RAB38: variants seen among roughly 807,000 people sequenced by gnomAD.
The protein encoded by RAB38 is ras-related protein Rab-38.
In RAB38, 15 loss-of-function variants were observed where a neutral mutation model predicts 18.4. That is an observed-to-expected ratio of 0.82 (90% CI 0.55 to 1.26). The LOEUF is 1.26. RAB38 is among the 50% of genes most tolerant of loss of function. The pLI is 0.00. For missense variants in RAB38, 294 were observed against 267.4 expected (o/e 1.10, Z -0.69); for synonymous variants, 101 against 104.4 (o/e 0.97, Z 0.20).
At chr11:87,885,057 G>A in the RAB38 span, among the ~76,000 whole-genome samples, 1 of 151,978 alleles carries the variant, frequency 6.6e-6, no homozygotes, top group African/African-American at 2.4e-5. Flanking sequence ...GCAGGCAAGT[G>A]TGTTTTCAAA....
At chr11:88,111,380 T>C (rs1280341758), downstream of RAB38, among the ~76,000 whole-genome samples, 4 of 152,102 alleles carry the variant, frequency 2.6e-5, no homozygotes, top group Non-Finnish European at 5.9e-5. Context: ...GTCTGTATAG[T>C]AACTACCTTC....
downstream of RAB38, among the ~76,000 whole-genome samples, chr11:88,109,943 T>C (rs953981237): frequency 2.0e-5 from 3 of 152,168 alleles, no homozygotes; most frequent in African/African-American, 4.8e-5. Flanking sequence ...GTTCAACCAT[T>C]GTGGACGACA....
the RAB38 span, among the ~76,000 whole-genome samples, chr11:88,048,815 A>G: frequency 1.6e-4 from 24 of 152,146 alleles, no homozygotes; most frequent in Admixed American, 4.6e-4. Context: ...CCGCCACTCT[A>G]AAGTCCCTCT....
chr11:88,127,230 G>T (rs184961196), intron 2 of RAB38, among the ~76,000 whole-genome samples: 1 of 152,290 alleles, frequency 6.6e-6, no homozygotes, highest in Non-Finnish European at 1.5e-5. Flanking sequence ...GGGCTGGAAT[G>T]CATGAGGGGA....
intron 1 of RAB38, among the ~76,000 whole-genome samples, chr11:88,150,171 G>A (rs1943047611): frequency 6.6e-6 from 1 of 152,128 alleles, no homozygotes. Flanking sequence ...TATGTACTGA[G>A]AAATTTCTGT....
downstream of RAB38, among the ~76,000 whole-genome samples, chr11:88,108,399 T>C (rs1942428490): frequency 6.6e-6 from 1 of 152,254 alleles, no homozygotes. Context: ...TTTTGATATT[T>C]GTTGGTTTAA....
the RAB38 span, among the ~76,000 whole-genome samples, chr11:87,808,688 A>AT: frequency 1.3e-5 from 2 of 152,226 alleles, no homozygotes; most frequent in East Asian, 3.9e-4. Flanking sequence ...AATAAAGCAT[A>AT]TGTTAATTAG....
the RAB38 span, among the ~76,000 whole-genome samples, chr11:87,902,341 G>T: frequency 6.6e-6 from 1 of 151,402 alleles, no homozygotes; most frequent in Admixed American, 6.6e-5. Context: ...TATTGTATCC[G>T]CAATTGTCGA....
chr11:88,069,329 C>T, the RAB38 span, among the ~76,000 whole-genome samples: 3 of 151,248 alleles, frequency 2.0e-5, no homozygotes, highest in African/African-American at 7.2e-5. Context: ...TGCCGGAGGG[C>T]CCCCCAGGGT....
chr11:87,959,669 C>T, the RAB38 span, among the ~76,000 whole-genome samples: 1 of 152,184 alleles, frequency 6.6e-6, no homozygotes, highest in South Asian at 2.1e-4. Context: ...GGAATATGAG[C>T]AAAAGTAATA....
At chr11:87,975,966 A>C in the RAB38 span, among the ~76,000 whole-genome samples, 1 of 151,638 alleles carries the variant, frequency 6.6e-6, no homozygotes, top group Admixed American at 6.6e-5. Flanking sequence ...CAATCTCTTA[A>C]ATAAAATTAA....
At chr11:87,860,116 TA>T in the RAB38 span, among the ~76,000 whole-genome samples, 1 of 152,056 alleles carries the variant, frequency 6.6e-6, no homozygotes, top group African/African-American at 2.4e-5. Flanking sequence ...ATTCCATTAC[TA>T]AAAAATAGAT....
the RAB38 span, among the ~76,000 whole-genome samples, chr11:87,972,830 G>A: frequency 2.6e-5 from 4 of 152,070 alleles, no homozygotes; most frequent in East Asian, 5.8e-4. Flanking sequence ...CAAACCTCAT[G>A]TCAAATTGTA....
At chr11:88,171,693 T>C (rs979266263) in intron 1 of RAB38, among the ~76,000 whole-genome samples, 1 of 152,324 alleles carries the variant, frequency 6.6e-6, no homozygotes, top group African/African-American at 2.4e-5. Context: ...CTACTATCCC[T>C]ATAAATGTCC....
the RAB38 span, among the ~76,000 whole-genome samples, chr11:87,978,024 C>T: frequency 0.87 from 25,549 of 29,300 alleles, 12,214 homozygotes; most frequent in East Asian, 0.94. Context: ...TAAATATATA[C>T]TTACACATAC....
the RAB38 span, among the ~76,000 whole-genome samples, chr11:88,022,095 C>T: frequency 9.9e-5 from 15 of 151,890 alleles, no homozygotes; most frequent in South Asian, 4.2e-4. Flanking sequence ...GTGCAAAAAT[C>T]CTTAACAAAT....
the RAB38 span, among the ~76,000 whole-genome samples, chr11:87,936,938 C>G: frequency 1.3e-5 from 2 of 151,828 alleles, no homozygotes; most frequent in African/African-American, 4.8e-5. Context: ...TTATTTCTTC[C>G]TTTTAGATTT....
At position 88,131,106 on chromosome 11, in the gene RAB38, T is replaced by C. The variant is rs372354771; in HGVS notation, c.484-16966A>G. ...TTACATTATTTAAAATAGTAAAAAC[T>C]AAAAATGTAAGAAAAAGAGGGTTAA... On this transcript the variant is annotated intron_variant, in intron 2 of 2. Transcript: ENST00000243662. Among the ~76,000 whole-genome samples the C allele has an allele frequency of 4.9e-4, 75 of 152,170 alleles. 1 individual carries two copies. In the South Asian group the frequency reaches 0.014, roughly 29 times the overall value.
the RAB38 span, among the ~76,000 whole-genome samples, chr11:88,003,803 AT>A: frequency 0.3 from 755 of 2,484 alleles, 336 homozygotes; most frequent in Admixed American, 0.58. Context: ...TATATTGTAT[AT>A]ATTATATATA....
Sources: allele counts gnomAD v4.1 joint callset (sites outside exome capture counted in the v4.1 genomes callset), GRCh38; gene constraint gnomAD v4.1.1; transcripts MANE v1.5; gene names NCBI Gene and HGNC (gene_info 2026-07-23, HGNC 2026-07-21).